VPS33B: variants seen among roughly 807,000 people sequenced by gnomAD.
The protein encoded by VPS33B is vacuolar protein sorting-associated protein 33B.
VPS33B carries 80 observed loss-of-function variants against 95.3 expected under a neutral mutation model. That is an observed-to-expected ratio of 0.84 (90% CI 0.70 to 1.01). VPS33B has a LOEUF of 1.01. VPS33B is among the 50% of genes least tolerant of loss of function. The pLI is 0.00. For synonymous variants in VPS33B, 280 were observed against 280.4 expected (o/e 1.00, Z 0.01); for missense variants, 715 against 773.4 (o/e 0.92, Z 0.90).
At position 91,009,120 on chromosome 15, in the gene VPS33B, G is replaced by C. The variant is rs915848158; in HGVS notation, c.403+681C>G. On this transcript the variant is annotated intron_variant, in intron 6 of 22. Transcript: ENST00000333371. The surrounding 1 kb of genome is among the most constrained non-coding windows in gnomAD (Gnocchi z 4.1). ...GTGGAGAATAGCGGAGGAATACACA[G>C]AGGGGAGGCCCAGTTTTTCCTGTGG... is the stretch of plus-strand genomic sequence containing the variant. Among the ~76,000 whole-genome samples, 1 of 152,156 alleles carries C rather than the reference G, an allele frequency of 6.6e-6. No individual in the cohort carries two copies. The highest frequency in any genetic ancestry group is 2.4e-5 in the African/African-American group (1 of 41,422).
chr15:91,003,378 T>C (rs931385132), intron 16 of VPS33B, among the ~76,000 whole-genome samples: 2 of 152,074 alleles, frequency 1.3e-5, no homozygotes, highest in African/African-American at 4.8e-5. Context: ...GAACTAACGG[T>C]GATCGTAGTG....
At position 91,011,714 on chromosome 15, in the gene VPS33B, G is replaced by A. The variant is rs1044897149; in HGVS notation, c.358-1868C>T. ...AATACAAATCTGTCCTTGGCCAGGC[G>A]CAGTGGCTCATGCCTGTAATCCTAG... On this transcript the variant is annotated intron_variant, in intron 5 of 22. Transcript: ENST00000333371. The surrounding 1 kb of genome is among the most constrained non-coding windows in gnomAD (Gnocchi z 5.5). 1.3e-5 allele frequency among the ~76,000 whole-genome samples: 2 copies of A among 152,124 alleles called. No individual in the cohort carries two copies. Among genetic ancestry groups the A allele is most frequent in the Admixed American group, 6.5e-5 (1 of 15,278 alleles).
At chr15:91,017,365 T>TTAAAAAAAAAAAAAAAAAAAAAAAAAAAA (rs1555460460) in intron 2 of VPS33B, among the ~76,000 whole-genome samples, 5 of 17,004 alleles carry the variant, frequency 2.9e-4, no homozygotes, top group African/African-American at 4.3e-4. Context: ...TCTACAAAAT[T>TTAAAAAAAAAAAAAAAAAAAAAAAAAAAA]AAATATATAT....
chr15:91,006,252 C>G lies in VPS33B; in HGVS notation c.852+120G>C, dbSNP rs761836420. The G allele has an allele frequency of 1.4e-6, 2 of 1,478,870 alleles. No homozygotes were observed. Among genetic ancestry groups the G allele is most frequent in the Non-Finnish European group, 1.9e-6 (2 of 1,058,926 alleles). The allele number at this position is 1,478,870 out of a possible 1,614,324, so 91.6% of individuals were successfully genotyped here. On this transcript the variant is annotated intron_variant, in intron 11 of 22. Transcript: ENST00000333371. The surrounding 1 kb of genome is among the most constrained non-coding windows in gnomAD (Gnocchi z 5.4). ...CTGAACTGGTGGGGAAACCCTCTCT[C>G]CCATAGACTCAGCCTCCCCTCTCAG...
intron 6 of VPS33B, among the ~76,000 whole-genome samples, chr15:91,008,439 A>AT (rs1331618885): frequency 6.6e-6 from 1 of 152,058 alleles, no homozygotes; most frequent in African/African-American, 2.4e-5. Context: ...TAATTTTTGT[A>AT]TTTTTGGCAG....
Position 91,005,171 on chromosome 15 carries a change from C to A in VPS33B, c.1106-52G>T. ...TACTGGGGGCCAGCTCAGCTGCTGC[C>A]ATCTATGCTAACAGGTGTCTGTCTC... On this transcript the variant is annotated intron_variant, in intron 14 of 22. Coordinates refer to ENST00000333371, the MANE Select transcript of VPS33B (RefSeq NM_018668.5). The surrounding 1 kb of genome is among the most constrained non-coding windows in gnomAD (Gnocchi z 6.4). 1 of 1,613,912 alleles carries A rather than the reference C, an allele frequency of 6.2e-7. No individual in the cohort carries two copies. Among genetic ancestry groups the A allele is most frequent in the South Asian group, 1.1e-5 (1 of 91,040 alleles).
At position 91,006,072 on chromosome 15, in the gene VPS33B, T is replaced by G. The variant is rs377217755; in HGVS notation, c.853-13A>C. The G allele has an allele frequency of 1.2e-6, 2 of 1,613,808 alleles. No homozygotes were observed. The highest frequency in any genetic ancestry group is 2.7e-5 in the African/African-American group (2 of 74,926). ...TCTCATTAAACACCTGTGAGGACAG[T>G]AAGACAAGAACAGCTTACTCTGTCA... On this transcript the variant is annotated splice_polypyrimidine_tract_variant and intron_variant, in intron 11 of 22. Coordinates refer to ENST00000333371, the MANE Select transcript of VPS33B (RefSeq NM_018668.5). The surrounding 1 kb of genome is among the most constrained non-coding windows in gnomAD (Gnocchi z 5.4).
At position 91,015,205 on chromosome 15, in the gene VPS33B, G is replaced by A. The variant is rs1248279919; in HGVS notation, c.240-772C>T. On this transcript the variant is annotated intron_variant, in intron 3 of 22. Coordinates refer to ENST00000333371, the MANE Select transcript of VPS33B (RefSeq NM_018668.5). This position sits in a 1 kb window ranked among gnomAD's most constrained non-coding sequence, Gnocchi z 4.7. ...ACAAAAATTGGCTGGGCATGGTGGC[G>A]CATGTCTGTAATCCCAGCTACGCAG... is the stretch of plus-strand genomic sequence containing the variant. 1.3e-5 allele frequency among the ~76,000 whole-genome samples: 2 copies of A among 150,634 alleles called. No individual in the cohort carries two copies. The highest frequency in any genetic ancestry group is 6.6e-5 in the Admixed American group (1 of 15,130).
chr15:91,007,790 T>A lies in VPS33B; in HGVS notation c.498+80A>T. 7.3e-7 allele frequency: 1 copy of A among 1,365,874 alleles called. No individual in the cohort carries two copies. Among genetic ancestry groups the A allele is most frequent in the Non-Finnish European group, 1.0e-6 (1 of 955,692 alleles). 84.6% of individuals were successfully genotyped at this position (1,365,874 alleles called of 1,614,324 possible). ...TAAATTACTTGCGTTGGACAAAGGT[T>A]ATATTGGTATTTCTAGCCCTCTGCA... On this transcript the variant is annotated intron_variant, in intron 7 of 22. Transcript: ENST00000333371. The surrounding 1 kb of genome is among the most constrained non-coding windows in gnomAD (Gnocchi z 5.3).
In VPS33B at chr15:91,002,160, A is replaced by C; in HGVS notation, c.1295T>G (p.Leu432Arg). 1 of 1,614,220 alleles carries C rather than the reference A, an allele frequency of 6.2e-7. No homozygotes were observed. The highest frequency in any genetic ancestry group is 8.5e-7 in the Non-Finnish European group (1 of 1,180,036). ...YLQSYGPEHLLTFSNLRRAGL... is the reference protein window; with the variant it reads ...YLQSYGPEHLRTFSNLRRAGL... The stretch of plus-strand genomic sequence containing the variant: ...AGCTCTTCGCAGATTGGAGAAGGTT[A>C]GCAGGTGCTCAGGGCCATAGCTCTG... The change falls in exon 18 of 23, where the codon CTA (leucine) becomes CGA (arginine). Residue 432 changes from leucine to arginine, a missense_variant. Physicochemically the swap from Leu to Arg is moderately radical, Grantham distance 102. Transcript: ENST00000333371. The surrounding 1 kb of genome is among the most constrained non-coding windows in gnomAD (Gnocchi z 4.7).
chr15:91,008,392 G>A (rs1384112574), intron 6 of VPS33B, among the ~76,000 whole-genome samples: 1 of 152,208 alleles, frequency 6.6e-6, no homozygotes, highest in Admixed American at 6.5e-5. Context: ...AGCCTCCCAA[G>A]TAGCTGGGAT....
chr15:91,020,757 T>C (rs1596374343), intron 1 of VPS33B, among the ~76,000 whole-genome samples: 1 of 152,120 alleles, frequency 6.6e-6, no homozygotes, highest in East Asian at 1.9e-4. Context: ...AGCGTGCGCC[T>C]GTAATCCCAA....
At chr15:91,014,526 A>G (rs2040870458) in intron 3 of VPS33B, 93 bp from the exon 4 acceptor site, 12 of 1,443,934 alleles carry the variant, frequency 8.3e-6, no homozygotes, top group Non-Finnish European at 1.1e-5. Flanking sequence ...CTCTTTTGCC[A>G]TTTGCCCTAC....
In VPS33B at chr15:91,002,094, G is replaced by A. The variant is rs1200615672; in HGVS notation, c.1361C>T (p.Ala454Val). 3 of 1,614,052 alleles carry A rather than the reference G, an allele frequency of 1.9e-6. No individual in the cohort carries two copies. Among genetic ancestry groups the A allele is most frequent in the Non-Finnish European group, 2.5e-6 (3 of 1,180,044 alleles). Reference protein sequence around the residue: ...TEQAPGDTLTAVESKVSKLVT... With the variant: ...TEQAPGDTLTVVESKVSKLVT... ...CAGCTTGCTCACTTTACTCTCCACG[G>A]CTGTGAGGGTGTCCCCGGGGGCCTG... Residue 454 changes from alanine (A) to valine (V), a missense_variant, in exon 18 of 23, where the codon GCC becomes GTC. Coordinates refer to ENST00000333371, the MANE Select transcript of VPS33B (RefSeq NM_018668.5). This position sits in a 1 kb window ranked among gnomAD's most constrained non-coding sequence, Gnocchi z 4.7.
In VPS33B at chr15:91,018,876, C is replaced by T. The variant is rs111321156; in HGVS notation, c.97-991G>A. Among the ~76,000 whole-genome samples, 9,383 of 152,168 alleles carry T rather than the reference C, an allele frequency of 0.062. 419 individuals carry two copies. The highest frequency in any genetic ancestry group is 0.11 in the African/African-American group (4,625 of 41,506). On this transcript the variant is annotated intron_variant, in intron 1 of 22. Coordinates refer to ENST00000333371, the MANE Select transcript of VPS33B (RefSeq NM_018668.5). This position sits in a 1 kb window ranked among gnomAD's most constrained non-coding sequence, Gnocchi z 4.7. ...TGACACCCAGGCTGGAGTGCAGTGG[C>T]GTGATCTCGGCTCACTGCAACCTCC...
At chr15:91,004,259 A>G (rs2040532427) in intron 16 of VPS33B, among the ~76,000 whole-genome samples, 1 of 151,740 alleles carries the variant, frequency 6.6e-6, no homozygotes, top group South Asian at 2.1e-4. Context: ...AAAGAAGGCA[A>G]CCTTCAAGAA....
intron 16 of VPS33B, among the ~76,000 whole-genome samples, chr15:91,003,346 G>A (rs2040498221): frequency 6.6e-6 from 1 of 152,212 alleles, no homozygotes; most frequent in Admixed American, 6.5e-5. Context: ...TGAAACATAA[G>A]GGTGCTGAGG....
chr15:91,001,971 C>T, intron 18 of VPS33B, 79 bp downstream of exon 18: 1 of 1,606,496 alleles, frequency 6.2e-7, no homozygotes, highest in East Asian at 2.2e-5. Context: ...CCAATTCATT[C>T]TGTCCCTCCC....
Position 91,002,218 on chromosome 15 carries a change from C to T in VPS33B, c.1273-36G>A, listed in dbSNP as rs199794546. On this transcript the variant is annotated intron_variant, in intron 17 of 22. Transcript: ENST00000333371. The surrounding 1 kb of genome is among the most constrained non-coding windows in gnomAD (Gnocchi z 4.7). ...TGCAATTAGACTATTTACTGAGTGT[C>T]CAAAGAGCATCTAGTACTGTCAGGT... The T allele has an allele frequency of 4.5e-5, 73 of 1,612,802 alleles. No individual in the cohort carries two copies. The highest frequency in any genetic ancestry group is 2.0e-5 in the Non-Finnish European group (24 of 1,179,532).
Sources: gnomAD v4.1 joint callset for allele counts (sites outside exome capture counted in the v4.1 genomes callset) on GRCh38, gnomAD v4.1.1 for gene constraint, Gnocchi (gnomAD v3.1) non-coding constraint, MANE v1.5 for transcripts, NCBI Gene and HGNC (gene_info 2026-07-23, HGNC 2026-07-21) for gene names.